Variants in CDK5RAP2 observed in about 807,000 individuals in gnomAD.
The protein encoded by CDK5RAP2 is CDK5 regulatory subunit-associated protein 2.
CDK5RAP2 carries 147 observed loss-of-function variants against 232.9 expected under a neutral mutation model. That is an observed-to-expected ratio of 0.63 (90% CI 0.55 to 0.72). The LOEUF is 0.72. Among genes scored for constraint, CDK5RAP2 ranks in the 30% least tolerant of loss-of-function variants. CDK5RAP2 has a pLI of 0.00. For missense variants in CDK5RAP2, 2,195 were observed against 2,231.5 expected (o/e 0.98, Z 0.33); for synonymous variants, 833 against 833.7 (o/e 1.00, Z 0.01).
intron 28 of CDK5RAP2, among the ~76,000 whole-genome samples, chr9:120,413,817 GGA>G (rs1249438760): frequency 2.5e-4 from 34 of 138,180 alleles, no homozygotes; most frequent in East Asian, 1.2e-3. Context: ...CGAGGAGGGA[GGA>G]GGGAGGAGGG....
chr9:120,527,239 A>ACCTTGG (rs2040944768), intron 10 of CDK5RAP2, among the ~76,000 whole-genome samples: 1 of 152,190 alleles, frequency 6.6e-6, no homozygotes, highest in African/African-American at 2.4e-5. Flanking sequence ...TTACAAACGC[A>ACCTTGG]ACACTCAGGC....
chr9:120,456,082 G>C (rs772940445), intron 20 of CDK5RAP2, among the ~76,000 whole-genome samples: 1 of 152,098 alleles, frequency 6.6e-6, no homozygotes, highest in Non-Finnish European at 1.5e-5. Context: ...AAAAAATAAA[G>C]GGAAAAAAAT....
rs769323196 is a variant in CDK5RAP2 at position 120,571,973 on chromosome 9, C to T, written c.127+1G>A. On this transcript the variant is annotated splice_donor_variant, in intron 2 of 37. Transcript: ENST00000349780. LOFTEE classifies it high-confidence loss of function. ...GAGAATGCCTGGTTTTGTGTACTTA[C>T]GACCATTTCCCAACCCAGCATTGGG... 12 of 1,611,908 alleles carry T rather than the reference C, an allele frequency of 7.4e-6. No individual in the cohort carries two copies. Among genetic ancestry groups the T allele is most frequent in the South Asian group, 5.5e-5 (5 of 91,040 alleles).
rs1339648335 is a variant in CDK5RAP2, at chr9:120,453,871, G to A, written c.2378C>T (p.Pro793Leu). The change falls in exon 21 of 38, where the codon CCA becomes CTA. Residue 793 changes from proline to leucine, a missense_variant and splice_region_variant. Pro to Leu is a moderately conservative substitution (Grantham distance 98, BLOSUM62 -3). Coordinates refer to ENST00000349780, the MANE Select transcript of CDK5RAP2 (RefSeq NM_018249.6). ...TTCCCGTACCACTTTCAGAAGGTCTGGCCTGTTTTTCCAAAAGGGAAGGAA... is the reference window on the plus strand; with the variant it reads ...TTCCCGTACCACTTTCAGAAGGTCTAGCCTGTTTTTCCAAAAGGGAAGGAA... Reference protein sequence around the residue: ...EKATLLLESRPDLLKVVRELL... With the variant: ...EKATLLLESRLDLLKVVRELL... 3 of 1,614,128 alleles carry A rather than the reference G, an allele frequency of 1.9e-6. No individual in the cohort carries two copies.
Position 120,447,909 on chromosome 9 carries a change from T to G in CDK5RAP2, c.3011A>C (p.Lys1004Thr). 1 of 1,613,976 alleles carries G rather than the reference T, an allele frequency of 6.2e-7. No homozygotes were observed. Among genetic ancestry groups the G allele is most frequent in the East Asian group, 2.2e-5 (1 of 44,884 alleles). ...AVMEGRPTPD[K>T]TLLNAQPPVG... ...TTGGTGCTTACCATTCAGCAACGTT[T>G]TGTCGGGCGTTGGCCTCCCCTCCAT... The change falls in exon 22 of 38, where the codon AAA (lysine) becomes ACA (threonine). Residue 1004 changes from lysine to threonine, a missense_variant. Transcript: ENST00000349780.
intron 14 of CDK5RAP2, among the ~76,000 whole-genome samples, chr9:120,484,710 C>T (rs995659491): frequency 6.6e-6 from 1 of 151,890 alleles, no homozygotes; most frequent in African/African-American, 2.4e-5. Flanking sequence ...GGTAACAGAG[C>T]AAGACTCTGT....
At chr9:120,578,658 C>T (rs1022361950) in intron 1 of CDK5RAP2, among the ~76,000 whole-genome samples, 1 of 151,630 alleles carries the variant, frequency 6.6e-6, no homozygotes, top group East Asian at 1.9e-4. Flanking sequence ...CATCAACCTT[C>T]CGGGCTCATG....
intron 15 of CDK5RAP2, 57 bp downstream of exon 15, chr9:120,477,293 G>C: frequency 8.3e-7 from 1 of 1,200,114 alleles, no homozygotes; most frequent in Non-Finnish European, 1.2e-6. Context: ...GCGTGTATGC[G>C]CGTGCATGTG....
chr9:120,433,288 A>G (rs7025436), intron 25 of CDK5RAP2, among the ~76,000 whole-genome samples: 2,918 of 152,296 alleles, frequency 0.019, 75 homozygotes, highest in African/African-American at 0.063. Flanking sequence ...TGTTAAGTCT[A>G]AGTTCCTCAC....
intron 28 of CDK5RAP2, among the ~76,000 whole-genome samples, chr9:120,413,684 C>A (rs184866375): frequency 6.6e-6 from 1 of 152,272 alleles, no homozygotes; most frequent in Admixed American, 6.5e-5. Flanking sequence ...TCAGGCATTA[C>A]CAAGAGTGAA....
chr9:120,496,853 G>A (rs1454214521), intron 12 of CDK5RAP2, among the ~76,000 whole-genome samples: 3 of 140,916 alleles, frequency 2.1e-5, no homozygotes, highest in Non-Finnish European at 3.0e-5. Context: ...CTGCCCGGCC[G>A]CCCCTACTGG....
At chr9:120,504,977 T>C (rs1367365997) in intron 12 of CDK5RAP2, among the ~76,000 whole-genome samples, 1 of 152,218 alleles carries the variant, frequency 6.6e-6, no homozygotes, top group East Asian at 1.9e-4. Context: ...TTTTCTTCTA[T>C]AAACTCTATG....
intron 35 of CDK5RAP2, among the ~76,000 whole-genome samples, chr9:120,397,829 C>G (rs1036250659): frequency 3.9e-5 from 6 of 152,182 alleles, no homozygotes; most frequent in Non-Finnish European, 5.9e-5. Context: ...GGTGCACTCT[C>G]AGAGTTCCTG....
At chr9:120,524,008 G>T (rs1174154559) in intron 11 of CDK5RAP2, among the ~76,000 whole-genome samples, 1 of 152,118 alleles carries the variant, frequency 6.6e-6, no homozygotes, top group East Asian at 1.9e-4. Flanking sequence ...GGAGATACGG[G>T]ATGACAGTAA....
At chr9:120,418,718 C>T (rs1029972125) in intron 27 of CDK5RAP2, among the ~76,000 whole-genome samples, 4 of 152,184 alleles carry the variant, frequency 2.6e-5, no homozygotes, top group African/African-American at 7.2e-5. Flanking sequence ...GGCTAGATAA[C>T]GCTGCTGGAG....
chr9:120,389,541 C>A (rs1324224541), intron 37 of CDK5RAP2, among the ~76,000 whole-genome samples, 200 bp downstream of exon 37: 3 of 152,188 alleles, frequency 2.0e-5, no homozygotes, highest in Non-Finnish European at 4.4e-5. Flanking sequence ...AAATAGCATA[C>A]AAATTTAAAA....
chr9:120,549,171 A>AG (rs1248083333), intron 4 of CDK5RAP2, among the ~76,000 whole-genome samples: 11 of 150,440 alleles, frequency 7.3e-5, no homozygotes, highest in Non-Finnish European at 8.9e-5. Flanking sequence ...AAAAAAAAAA[A>AG]AGAGACAGAA....
intron 3 of CDK5RAP2, among the ~76,000 whole-genome samples, chr9:120,559,695 T>C (rs2042393624): frequency 6.6e-6 from 1 of 151,760 alleles, no homozygotes; most frequent in African/African-American, 2.4e-5. Context: ...AAAAGAAAGC[T>C]AATGCAAGGC....
At chr9:120,573,439 C>T (rs866224095) in intron 1 of CDK5RAP2, among the ~76,000 whole-genome samples, 6 of 151,616 alleles carry the variant, frequency 4.0e-5, no homozygotes, top group Non-Finnish European at 8.8e-5. Context: ...GTCCTAGCTA[C>T]TTGAGAGGCT....
Sources: gnomAD v4.1 joint callset for allele counts (sites outside exome capture counted in the v4.1 genomes callset) on GRCh38, gnomAD v4.1.1 for gene constraint, MANE v1.5 for transcripts, NCBI Gene and HGNC (gene_info 2026-07-23, HGNC 2026-07-21) for gene names.